CSPP1: variants seen among roughly 807,000 people sequenced by gnomAD.
The protein encoded by CSPP1 is centrosome and spindle pole-associated protein 1.
A neutral mutation model predicts 164.4 loss-of-function variants in CSPP1; 126 were observed. That is an observed-to-expected ratio of 0.77 (90% confidence interval 0.66 to 0.89). The LOEUF (loss-of-function observed/expected upper bound fraction) is 0.89, where lower values mean the gene tolerates loss of function less well. Ranked by LOEUF, CSPP1 falls within the 40% of genes least tolerant of loss-of-function variation. The probability of loss-of-function intolerance (pLI) is 0.00; values close to 1 mark genes in which losing one functional copy is unlikely to be tolerated. For missense variants in CSPP1, 1,395 were observed against 1,449.8 expected (o/e 0.96, Z 0.61); for synonymous variants, 472 against 476.7 (o/e 0.99, Z 0.13).
intron 17 of CSPP1, among the ~76,000 whole-genome samples, chr8:67,146,715 C>T (rs2129557265): frequency 6.6e-6 from 1 of 152,038 alleles, no homozygotes; most frequent in East Asian, 1.9e-4. Context: ...TATTTTCCAC[C>T]AAAGTATAAA....
At position 67,190,759 on chromosome 8, in the gene CSPP1, T is replaced by G; in HGVS notation, c.3330T>G (p.Ile1110Met). 1.3e-6 allele frequency: 2 copies of G among 1,598,080 alleles called. No homozygotes were observed. Among genetic ancestry groups the G allele is most frequent in the South Asian group, 2.2e-5 (2 of 90,744 alleles). ...GGAACAAATGGAAAGGACTAGACATTGTATGTATGAGACTTTTCTCCCCCT... is the reference window on the plus strand; with the variant it reads ...GGAACAAATGGAAAGGACTAGACATGGTATGTATGAGACTTTTCTCCCCCT... ...RRRNKWKGLDIDSSRPNVAPD... is the reference protein window; with the variant it reads ...RRRNKWKGLDMDSSRPNVAPD... Residue 1110 changes from isoleucine (I) to methionine (M), a missense_variant and splice_region_variant, in exon 29 of 31, where the codon ATT becomes ATG. Transcript: ENST00000678616.
chr8:67,086,959 A>T, intron 4 of CSPP1: 1 of 492,952 alleles, frequency 2.0e-6, no homozygotes. Flanking sequence ...AATTAGGAAA[A>T]CGGGTTCATT....
chr8:67,094,828 CCTCCA>C (rs1812402646), intron 6 of CSPP1, among the ~76,000 whole-genome samples: 1 of 152,134 alleles, frequency 6.6e-6, no homozygotes, highest in African/African-American at 2.4e-5. Context: ...TCCTCACTGT[CCTCCA>C]CTCATTCCCA....
Position 67,064,487 on chromosome 8 carries a change from G to A in CSPP1, c.-62G>A, listed in dbSNP as rs1186122554. 6.2e-7 allele frequency: 1 copy of A among 1,613,716 alleles called. No homozygotes were observed. The highest frequency in any genetic ancestry group is 8.5e-7 in the Non-Finnish European group (1 of 1,179,878). On this transcript the variant is annotated 5_prime_UTR_variant, in exon 1 of 31. Transcript: ENST00000678616. ...TGTGTGTCTCCCCGGACGCGAGCCCGCTCCCCTGAGTAAGAGTCAGCCAGC... is the reference window on the plus strand; with the variant it reads ...TGTGTGTCTCCCCGGACGCGAGCCCACTCCCCTGAGTAAGAGTCAGCCAGC...
At chr8:67,085,893 C>G in intron 3 of CSPP1, 114 bp from the exon 4 acceptor site, 1 of 632,798 alleles carries the variant, frequency 1.6e-6, no homozygotes, top group Non-Finnish European at 2.9e-6. Flanking sequence ...TTACCCTAAT[C>G]CTACTCTTGG....
rs376796291 is a variant in CSPP1 at position 67,091,845 on chromosome 8, G to A, written c.346G>A (p.Gly116Arg). 8.9e-6 allele frequency: 12 copies of A among 1,350,160 alleles called. No individual in the cohort carries two copies. The highest frequency in any genetic ancestry group is 1.1e-5 in the Non-Finnish European group (11 of 1,012,706). The allele number at this position is 1,350,160 out of a possible 1,614,324, so 83.6% of individuals were successfully genotyped here. Residue 116 changes from glycine (G) to arginine (R), a missense_variant, in exon 5 of 31, where the codon GGA becomes AGA. Transcript: ENST00000678616. ...GAGTGAAACAGATCCATCTACTTTG[G>A]GAGTTTCTCTTCCTATTGGTGAGAG... ...STSETDPSTLGVSLPIGERLS... is the reference protein window; with the variant it reads ...STSETDPSTLRVSLPIGERLS...
At chr8:67,126,696 T>G (rs1178832045) in intron 15 of CSPP1, among the ~76,000 whole-genome samples, 1 of 152,200 alleles carries the variant, frequency 6.6e-6, no homozygotes, top group Non-Finnish European at 1.5e-5. Flanking sequence ...TGCACATACA[T>G]GTGGCTTTCT....
At chr8:67,097,129 A>G (rs537427199) in intron 7 of CSPP1, among the ~76,000 whole-genome samples, 2 of 152,314 alleles carry the variant, frequency 1.3e-5, no homozygotes, top group African/African-American at 4.8e-5. Flanking sequence ...TCAGGGTCTC[A>G]TATTTGTCAT....
At chr8:67,155,680 C>T (rs964358230) in intron 19 of CSPP1, among the ~76,000 whole-genome samples, 3 of 151,910 alleles carry the variant, frequency 2.0e-5, no homozygotes, top group Admixed American at 6.6e-5. Flanking sequence ...CCCAGCTACT[C>T]GGGAGGCTGA....
Position 67,177,679 on chromosome 8 carries a change from G to A in CSPP1, c.3110-1G>A, listed in dbSNP as rs1064795687. 6.2e-7 allele frequency: 1 copy of A among 1,607,900 alleles called. No homozygotes were observed. Among genetic ancestry groups the A allele is most frequent in the Non-Finnish European group, 8.5e-7 (1 of 1,174,916 alleles). ...TTGCTTTTGTTCTCCATTGACTACA[G>A]TTGACTTAGATGCCATCCCAAGTGC... On this transcript the variant is annotated splice_acceptor_variant, in intron 26 of 30. Transcript: ENST00000678616. LOFTEE classifies it high-confidence loss of function.
intron 28 of CSPP1, among the ~76,000 whole-genome samples, chr8:67,182,721 C>G (rs536867670): frequency 4.3e-4 from 66 of 152,290 alleles, no homozygotes; most frequent in Middle Eastern, 6.8e-3. Flanking sequence ...ACTTACATTT[C>G]TGTAATAATT....
At chr8:67,084,745 G>C (rs1409401696) in intron 3 of CSPP1, among the ~76,000 whole-genome samples, 3 of 145,026 alleles carry the variant, frequency 2.1e-5, no homozygotes, top group African/African-American at 7.7e-5. Context: ...TCTAAAGAGA[G>C]AGAAAAAAAA....
chr8:67,153,767 T>C (rs1484069746), intron 18 of CSPP1, among the ~76,000 whole-genome samples: 1 of 152,092 alleles, frequency 6.6e-6, no homozygotes, highest in East Asian at 1.9e-4. Flanking sequence ...GCTGTTAGCT[T>C]TTATGTTTCC....
chr8:67,135,230 G>A (rs186560194), intron 16 of CSPP1: 2 of 152,240 alleles, frequency 1.3e-5, no homozygotes, highest in Non-Finnish European at 2.9e-5. Flanking sequence ...GAGTACAGTG[G>A]CACGATCTCG....
intron 1 of CSPP1, among the ~76,000 whole-genome samples, chr8:67,066,791 T>G (rs1033593623): frequency 1.4e-4 from 21 of 152,120 alleles, no homozygotes; most frequent in African/African-American, 5.1e-4. Flanking sequence ...TTTGTTTGTT[T>G]GTTTGTTTGT....
In CSPP1 at chr8:67,196,560, C is replaced by CGGTT. The variant is rs1377599339; in HGVS notation, c.*971_*974dup. Among the ~76,000 whole-genome samples, 3 of 152,162 alleles carry CGGTT rather than the reference C, an allele frequency of 2.0e-5. No homozygotes were observed. Among genetic ancestry groups the CGGTT allele is most frequent in the African/African-American group, 7.2e-5 (3 of 41,440 alleles). On this transcript the variant is annotated 3_prime_UTR_variant, in exon 31 of 31. Coordinates refer to ENST00000678616, the MANE Select transcript of CSPP1 (RefSeq NM_001382391.1). ...ATAATACTTCCTCTGATGTAATTAA[C>CGGTT]GGTTGGTAGACAATATCAGACAAAT...
rs967461645 is a variant in CSPP1 at position 67,142,510 on chromosome 8, A to T, written c.1975+4907A>T. Among the ~76,000 whole-genome samples, 3 of 152,032 alleles carry T rather than the reference A, an allele frequency of 2.0e-5. No homozygotes were observed. In the South Asian group the frequency reaches 6.2e-4, roughly 32 times the overall value. On this transcript the variant is annotated intron_variant, in intron 17 of 30. Transcript: ENST00000678616. ...CATATGTCAGTAGCTTATTTTTTTT[A>T]TTACTGAATAGTATTACATTTTCTG...
intron 25 of CSPP1, chr8:67,174,060 C>T (rs1831039577): frequency 6.6e-6 from 1 of 152,072 alleles, no homozygotes; most frequent in Admixed American, 6.6e-5. Context: ...CTTTGGGGTC[C>T]TCAATTTTTA....
intron 7 of CSPP1, among the ~76,000 whole-genome samples, chr8:67,096,587 G>A (rs1207659251): frequency 6.6e-6 from 1 of 150,474 alleles, no homozygotes; most frequent in Non-Finnish European, 1.5e-5. Flanking sequence ...AAGTGTGGCT[G>A]GGGGTTGTGC....
Sources: allele counts gnomAD v4.1 joint callset (sites outside exome capture counted in the v4.1 genomes callset), GRCh38; gene constraint gnomAD v4.1.1; transcripts MANE v1.5; gene names NCBI Gene and HGNC (gene_info 2026-07-23, HGNC 2026-07-21).